MLH3: variants seen among roughly 807,000 people sequenced by gnomAD.
MLH3 encodes mutL homolog 3, also known as DNA mismatch repair protein Mlh3.
MLH3 carries 82 observed loss-of-function variants against 122.2 expected under a neutral mutation model. That is an observed-to-expected ratio of 0.67 (90% CI 0.56 to 0.81). The LOEUF (loss-of-function observed/expected upper bound fraction) is 0.81. Ranked by LOEUF, MLH3 falls within the 30% of genes least tolerant of loss-of-function variation. The pLI, the probability that MLH3 is intolerant of heterozygous loss-of-function variation, is 0.00. For synonymous variants in MLH3, 524 were observed against 599.5 expected, an observed-to-expected ratio of 0.87 and a Z score of 1.84; for missense variants, 1,539 against 1,714.5, an observed-to-expected ratio of 0.90 and a Z score of 1.81.
Position 75,039,972 on chromosome 14 carries a change from A to T in MLH3, c.3509T>A (p.Val1170Asp). The T allele has an allele frequency of 6.2e-7, 1 of 1,600,062 alleles. No homozygotes were observed. The highest frequency in any genetic ancestry group is 8.5e-7 in the Non-Finnish European group (1 of 1,171,206). ...GGGATACAAGATGTTGTGAATTTTAACTGCTAAGCTCTCAGCCTGGCCACT... is the reference window on the plus strand; with the variant it reads ...GGGATACAAGATGTTGTGAATTTTATCTGCTAAGCTCTCAGCCTGGCCACT... The part of the protein sequence containing the change: ...VSSGQAESLA[V>D]KIHNILYPYR... The change falls in exon 5 of 13, where the codon GTT becomes GAT. Residue 1170 changes from valine to aspartate, a missense_variant. Val to Asp is a radical substitution (Grantham distance 152, BLOSUM62 -3). Transcript: ENST00000355774.
At position 75,049,498 on chromosome 14, in the gene MLH3, T is replaced by G. The variant is rs1335050213; in HGVS notation, c.158A>C (p.Gln53Pro). 6.2e-7 allele frequency: 1 copy of G among 1,614,238 alleles called. No homozygotes were observed. The highest frequency in any genetic ancestry group is 1.1e-5 in the South Asian group (1 of 91,090). The change falls in exon 2 of 13, where the codon CAA becomes CCA. Residue 53 changes from glutamine (Q) to proline (P), a missense_variant. Physicochemically the swap from Gln to Pro is moderately conservative, Grantham distance 76. Coordinates refer to ENST00000355774, the MANE Select transcript of MLH3 (RefSeq NM_001040108.2). Reference sequence around the variant, plus strand: ...CATCCCAAATCCATTGTCTATCACTTGAACTTGGAAGGTTTCCATATTCAC... The same window carrying G: ...CATCCCAAATCCATTGTCTATCACTGGAACTTGGAAGGTTTCCATATTCAC... ...VRVNMETFQV[Q>P]VIDNGFGMGS...
intron 6 of MLH3, among the ~76,000 whole-genome samples, chr14:75,036,141 C>T (rs924545630): frequency 2.6e-5 from 4 of 152,110 alleles, no homozygotes; most frequent in African/African-American, 9.7e-5. Flanking sequence ...GTCTCTTTTG[C>T]TGGTTCATCC....
rs771391147 is a variant in MLH3 at position 75,032,078 on chromosome 14, T to C, written c.3817A>G (p.Arg1273Gly). 8.8e-6 allele frequency: 14 copies of C among 1,599,912 alleles called. No homozygotes were observed. The South Asian group carries it at 1.5e-4, about 18-fold the overall frequency. The change falls in exon 8 of 13, where the codon AGA (arginine) becomes GGA (glycine). Residue 1273 changes from arginine to glycine, a missense_variant. Coordinates refer to ENST00000355774, the MANE Select transcript of MLH3 (RefSeq NM_001040108.2). ...CATGGTGGTACTGACCATAAGAGTC[T>C]CCTTTGTTCCTCTGTCACTGTTATC... ...LEITVTEEQR[R>G]LLWCYHKNLE...
chr14:75,030,431 G>T, intron 9 of MLH3, 112 bp downstream of exon 9: 1 of 1,114,638 alleles, frequency 9.0e-7, no homozygotes, highest in Non-Finnish European at 1.4e-6. Context: ...GCACACCGCA[G>T]GTAAATACCA....
chr14:75,022,703 T>A, intron 11 of MLH3, 111 bp downstream of exon 11: 2 of 943,746 alleles, frequency 2.1e-6, no homozygotes, highest in East Asian at 2.4e-5. Context: ...TAAATTGTAT[T>A]CTCCAAGAGT....
Position 75,035,062 on chromosome 14 carries a change from C to CAAAA in MLH3, c.3644-1576_3644-1573dup, listed in dbSNP as rs36096670. ...TGGGCGACAGAGCAAGACTCCATCT[C>CAAAA]AAAAAAAAAAAAAAAAAAAAAAAAG... On this transcript the variant is annotated intron_variant, in intron 6 of 12. Coordinates refer to ENST00000355774, the MANE Select transcript of MLH3 (RefSeq NM_001040108.2). Among the ~76,000 whole-genome samples, 58 of 40,066 alleles carry CAAAA rather than the reference C, an allele frequency of 1.4e-3. 1 individual carries two copies. The highest frequency in any genetic ancestry group is 6.9e-3 in the East Asian group (9 of 1,298). The allele number at this position is 40,066 out of a possible 152,430, so 26.3% of individuals were successfully genotyped here.
chr14:75,047,116 C>T lies in MLH3; in HGVS notation c.2540G>A (p.Arg847Lys), dbSNP rs1378980932. 1.2e-6 allele frequency: 2 copies of T among 1,614,180 alleles called. No individual in the cohort carries two copies. Among genetic ancestry groups the T allele is most frequent in the Admixed American group, 3.3e-5 (2 of 60,026 alleles). The change falls in exon 2 of 13, where the codon AGA becomes AAA. Residue 847 changes from arginine to lysine, a missense_variant. Arg to Lys is a conservative substitution (Grantham distance 26, BLOSUM62 2). Transcript: ENST00000355774. ...DCLEQQMPSLRESPMTLKELS... is the reference protein window; with the variant it reads ...DCLEQQMPSLKESPMTLKELS... Reference sequence around the variant, plus strand: ...CTCCTTCAGGGTCATAGGACTTTCTCTCAAACTAGGCATCTGTTGTTCTAA... The same window carrying T: ...CTCCTTCAGGGTCATAGGACTTTCTTTCAAACTAGGCATCTGTTGTTCTAA...
At chr14:75,046,107 G>T (rs1011854056) in intron 2 of MLH3, among the ~76,000 whole-genome samples, 2 of 151,480 alleles carry the variant, frequency 1.3e-5, no homozygotes, top group Non-Finnish European at 2.9e-5. Context: ...TTGAACCAGG[G>T]GGGCAGAGGT....
In MLH3 at chr14:75,030,780, C is replaced by T. The variant is rs1261652127; in HGVS notation, c.3828-78G>A. 3.9e-6 allele frequency: 5 copies of T among 1,271,856 alleles called. No homozygotes were observed. The East Asian group carries it at 7.2e-5, about 18-fold the overall frequency. 78.8% of individuals were successfully genotyped at this position (1,271,856 alleles called of 1,614,324 possible). On this transcript the variant is annotated intron_variant, in intron 8 of 12. Transcript: ENST00000355774. The stretch of plus-strand genomic sequence containing the variant: ...ACTTCACTACTGGTTCCAAATACTA[C>T]TTAATAGTTTTTCAAAAGCTGCCAC...
chr14:75,050,670 G>A (rs1892595988), intron 1 of MLH3, among the ~76,000 whole-genome samples: 1 of 152,166 alleles, frequency 6.6e-6, no homozygotes, highest in Admixed American at 6.5e-5. Flanking sequence ...AAAGTGCTGG[G>A]ATTACAGGTG....
At chr14:75,027,173 T>C (rs1890682200) in intron 9 of MLH3, among the ~76,000 whole-genome samples, 1 of 152,046 alleles carries the variant, frequency 6.6e-6, no homozygotes, top group Admixed American at 6.6e-5. Context: ...GGGGGATAAC[T>C]GGCAATGTGA....
chr14:75,018,009 G>A (rs977972337), intron 12 of MLH3, among the ~76,000 whole-genome samples: 12 of 152,104 alleles, frequency 7.9e-5, no homozygotes, highest in Admixed American at 6.5e-4. Flanking sequence ...GCCGGGCGTG[G>A]TGGCGCATGC....
chr14:75,019,060 C>T, intron 11 of MLH3, 80 bp from the exon 12 acceptor site: 1 of 1,272,514 alleles, frequency 7.9e-7, no homozygotes, highest in Admixed American at 1.8e-5. Context: ...TGCCAAATAT[C>T]TGGAAAAAGT....
At chr14:75,017,307 G>C in intron 12 of MLH3, 106 bp from the exon 13 acceptor site, 1 of 1,163,924 alleles carries the variant, frequency 8.6e-7, no homozygotes, top group South Asian at 1.2e-5. Flanking sequence ...GGGAGGCCAA[G>C]GCAGGCGGAT....
intron 8 of MLH3, among the ~76,000 whole-genome samples, 160 bp downstream of exon 8, chr14:75,031,908 G>A (rs987621598): frequency 2.0e-5 from 3 of 152,178 alleles, no homozygotes; most frequent in African/African-American, 7.2e-5. Flanking sequence ...ACCTGCCTTT[G>A]AGTGCCTGCT....
intron 11 of MLH3, chr14:75,020,884 AT>A (rs1890231885): frequency 6.6e-6 from 1 of 151,234 alleles, no homozygotes; most frequent in Admixed American, 6.6e-5. Flanking sequence ...TATTATTATT[AT>A]TATTATTTTG....
intron 4 of MLH3, among the ~76,000 whole-genome samples, chr14:75,040,449 CAAAAAAAAAAAAAAAAAAAAA>C (rs36233766): frequency 8.4e-5 from 3 of 35,590 alleles, no homozygotes; most frequent in East Asian, 1.8e-3. Context: ...GACTCTGTCA[CAAAAAAAAAAAAAAAAAAAAA>C]AAAAAAAAAA....
chr14:75,018,287 C>T (rs1255992927), intron 12 of MLH3, among the ~76,000 whole-genome samples: 1 of 152,124 alleles, frequency 6.6e-6, no homozygotes, highest in African/African-American at 2.4e-5. Context: ...CTGCATTATC[C>T]ACATTGTAGT....
Position 75,023,624 on chromosome 14 carries a change from T to C in MLH3, c.3988-606A>G, listed in dbSNP as rs1224025695. On this transcript the variant is annotated intron_variant, in intron 9 of 12. Coordinates refer to ENST00000355774, the MANE Select transcript of MLH3 (RefSeq NM_001040108.2). ...CCTGGGGTAACCTTTTCAATAGTTA[T>C]ATCCCTGTGGATATTAATATTTACA... is the stretch of plus-strand genomic sequence containing the variant. Among the ~76,000 whole-genome samples the C allele has an allele frequency of 2.6e-5, 4 of 152,324 alleles. No individual in the cohort carries two copies. The South Asian group carries it at 6.2e-4, about 24-fold the overall frequency.
Sources: allele counts gnomAD v4.1 joint callset (sites outside exome capture counted in the v4.1 genomes callset), GRCh38; gene constraint gnomAD v4.1.1; transcripts MANE v1.5; gene names NCBI Gene and HGNC (gene_info 2026-07-23, HGNC 2026-07-21).